AHNAK: variants seen among roughly 807,000 people sequenced by gnomAD.
AHNAK encodes AHNAK nucleoprotein.
In AHNAK, 23 loss-of-function variants were observed where a neutral mutation model predicts 37.8. The ratio of observed to expected loss-of-function variants is 0.61; its 90% confidence interval spans 0.44 to 0.86. The LOEUF is 0.86. AHNAK is among the 40% of genes least tolerant of loss of function. The pLI, the probability that AHNAK is intolerant of heterozygous loss-of-function variation, is 0.00. For missense variants in AHNAK, 7,411 were observed against 7,319.4 expected (o/e 1.01, Z -0.46); for synonymous variants, 2,481 against 2,636.3 (o/e 0.94, Z 1.80).
Position 62,523,794 on chromosome 11 carries a change from G to A in AHNAK, c.10623C>T (p.Pro3541=). The change falls in exon 5 of 5, where the codon CCC becomes CCT. Residue 3541 remains proline (P), a synonymous_variant. Coordinates refer to ENST00000378024, the MANE Select transcript of AHNAK (RefSeq NM_001620.3). ...FKMPDMNIKA[P]KISMPDIDLN... is the part of the protein sequence containing the mutation. ...AGTCAATGTCAGGCATGGAGATCTT[G>A]GGAGCTTTGATATTCATGTCAGGCA... The A allele has an allele frequency of 1.2e-6, 2 of 1,614,126 alleles. No homozygotes were observed. The highest frequency in any genetic ancestry group is 1.7e-5 in the Admixed American group (1 of 60,006).
intron 1 of AHNAK, among the ~76,000 whole-genome samples, chr11:62,537,686 CT>C (rs1276472412): frequency 0.01 from 1,473 of 142,192 alleles, 23 homozygotes; most frequent in African/African-American, 0.03. Flanking sequence ...TCTGTAACTC[CT>C]TTTTTTTTTT....
chr11:62,527,078 G>A lies in AHNAK; in HGVS notation c.7339C>T (p.His2447Tyr). 2 of 1,614,026 alleles carry A rather than the reference G, an allele frequency of 1.2e-6. No homozygotes were observed. The highest frequency in any genetic ancestry group is 2.2e-5 in the South Asian group (2 of 91,044). ...KGPKFKMPDMHFKAPNISMPD... is the reference protein window; with the variant it reads ...KGPKFKMPDMYFKAPNISMPD... ...ATAGAAATATTGGGGGCTTTGAAAT[G>A]CATATCAGGCATCTTGAACTTAGGG... Residue 2447 changes from histidine (H) to tyrosine (Y), a missense_variant, in exon 5 of 5, where the codon CAT (histidine) becomes TAT (tyrosine). His to Tyr is a moderately conservative substitution (Grantham distance 83). Coordinates refer to ENST00000378024, the MANE Select transcript of AHNAK (RefSeq NM_001620.3).
chr11:62,532,962 A>G lies in AHNAK; in HGVS notation c.1455T>C (p.Gly485=), dbSNP rs754468400. The change falls in exon 5 of 5, where the codon GGT becomes GGC. Residue 485 remains glycine (G), a synonymous_variant. Coordinates refer to ENST00000378024, the MANE Select transcript of AHNAK (RefSeq NM_001620.3). ...TCATTTCAGGAGTCTTCACTTTAGT[A>G]CCTTTCATCTTTCCTTCCAGCCCAC... ...ATGGLEGKMK[G]TKVKTPEMII... is the part of the protein sequence containing the mutation. 1.2e-6 allele frequency: 2 copies of G among 1,614,106 alleles called. No individual in the cohort carries two copies. Among genetic ancestry groups the G allele is most frequent in the Non-Finnish European group, 1.7e-6 (2 of 1,180,016 alleles).
chr11:62,513,038 A>G (rs560564690), downstream of AHNAK, among the ~76,000 whole-genome samples: 119 of 152,282 alleles, frequency 7.8e-4, no homozygotes, highest in African/African-American at 2.8e-3. Context: ...TGCCCCCTTA[A>G]CTACACCACT....
rs758300419 is a variant in AHNAK at position 62,516,770 on chromosome 11, G to C, written c.17647C>G (p.Leu5883Val). The C allele has an allele frequency of 6.2e-7, 1 of 1,612,762 alleles. No individual in the cohort carries two copies. Residue 5883 changes from leucine (L) to valine (V), a missense_variant, in exon 5 of 5, where the codon CTG becomes GTG. Physicochemically the swap from Leu to Val is conservative, Grantham distance 32. Transcript: ENST00000378024. The part of the protein sequence containing the change: ...KVGIQLPEVE[L>V]SVSTKKE Reference sequence around the variant, plus strand: ...TACTCTTTCTTTGTGGAAACTGACAGCTCCACCTCGGGAAGCTGGATGCCA... The same window carrying C: ...TACTCTTTCTTTGTGGAAACTGACACCTCCACCTCGGGAAGCTGGATGCCA...
chr11:62,465,528 A>G (rs1328186516), intron 5 of AHNAK, among the ~76,000 whole-genome samples: 1 of 152,030 alleles, frequency 6.6e-6, no homozygotes, highest in African/African-American at 2.4e-5. Context: ...CAGGAGAATC[A>G]CTTGAACCCA....
intron 5 of AHNAK, among the ~76,000 whole-genome samples, chr11:62,453,875 A>C (rs1352404487): frequency 6.6e-6 from 1 of 151,966 alleles, no homozygotes; most frequent in Non-Finnish European, 1.5e-5. Context: ...TAATTCCAGC[A>C]CTTTGGGAGG....
rs1940024582 is a variant in AHNAK, at chr11:62,516,583, C to T, written c.*161G>A. On this transcript the variant is annotated 3_prime_UTR_variant, in exon 5 of 5. Coordinates refer to ENST00000378024, the MANE Select transcript of AHNAK (RefSeq NM_001620.3). ...CTATCTGTATAGTTCCAGGAGCCTACAGGCGGTCGGTTTTTCAGCGCTTGC... is the reference window on the plus strand; with the variant it reads ...CTATCTGTATAGTTCCAGGAGCCTATAGGCGGTCGGTTTTTCAGCGCTTGC... 1.4e-6 allele frequency: 2 copies of T among 1,469,642 alleles called. No homozygotes were observed. The highest frequency in any genetic ancestry group is 1.8e-6 in the Non-Finnish European group (2 of 1,121,626). The allele number at this position is 1,469,642 out of a possible 1,614,324, so 91.0% of individuals were successfully genotyped here.
In AHNAK at chr11:62,528,334, G is replaced by A. The variant is rs772630697; in HGVS notation, c.6083C>T (p.Pro2028Leu). The change falls in exon 5 of 5, where the codon CCC (proline) becomes CTC (leucine). Residue 2028 changes from proline (P) to leucine (L), a missense_variant. By Grantham distance (98) the Pro-to-Leu change is moderately conservative. Transcript: ENST00000378024. ...ATCTGGGGCATCAATGTCCATTTTG[G>A]GTCCTTTGATGTCAACATCTGGCAC... ...MKVPDVDIKG[P>L]KMDIDAPDVD... 1 of 1,613,770 alleles carries A rather than the reference G, an allele frequency of 6.2e-7. No individual in the cohort carries two copies. The highest frequency in any genetic ancestry group is 8.5e-7 in the Non-Finnish European group (1 of 1,179,970).
chr11:62,484,928 T>C (rs1939359124), intron 5 of AHNAK, among the ~76,000 whole-genome samples: 1 of 152,160 alleles, frequency 6.6e-6, no homozygotes, highest in Non-Finnish European at 1.5e-5. Flanking sequence ...TAGCTGGGAT[T>C]ACAGGCACGC....
At chr11:62,502,431 G>A (rs1457349755) in intron 4 of AHNAK, among the ~76,000 whole-genome samples, 1 of 152,200 alleles carries the variant, frequency 6.6e-6, no homozygotes, top group Non-Finnish European at 1.5e-5. Flanking sequence ...AAACTAAACA[G>A]TAATTGACAG....
chr11:62,469,402 G>A (rs931219095), intron 5 of AHNAK, among the ~76,000 whole-genome samples: 5 of 151,776 alleles, frequency 3.3e-5, no homozygotes, highest in African/African-American at 1.2e-4. Flanking sequence ...GATTACAGGC[G>A]TGAACTACTG....
At chr11:62,542,315 T>TTG (rs1941154714) in intron 1 of AHNAK, among the ~76,000 whole-genome samples, 1 of 151,866 alleles carries the variant, frequency 6.6e-6, no homozygotes, top group African/African-American at 2.4e-5. Context: ...GCACCTCCCC[T>TTG]TGTGTGTGTG....
Position 62,520,275 on chromosome 11 carries a change from C to T in AHNAK, c.14142G>A (p.Met4714Ile), listed in dbSNP as rs2134199040. The stretch of plus-strand genomic sequence containing the variant: ...TGGAGATCTTGGGGGCTTTGATGCT[C>T]ATCTCAGGCATCTTGAACTTGGGGC... Reference protein sequence around the residue: ...LKGPKFKMPEMSIKAPKISMP... With the variant: ...LKGPKFKMPEISIKAPKISMP... The change falls in exon 5 of 5, where the codon ATG (methionine) becomes ATA (isoleucine). Residue 4714 changes from methionine (M) to isoleucine (I), a missense_variant. Physicochemically the swap from Met to Ile is conservative, Grantham distance 10. Transcript: ENST00000378024. The T allele has an allele frequency of 6.2e-7, 1 of 1,605,160 alleles. No homozygotes were observed. The highest frequency in any genetic ancestry group is 8.5e-7 in the Non-Finnish European group (1 of 1,176,994).
intron 3 of AHNAK, among the ~76,000 whole-genome samples, chr11:62,535,487 A>G (rs941975906): frequency 6.6e-6 from 1 of 152,040 alleles, no homozygotes; most frequent in South Asian, 2.1e-4. Context: ...CGTCTCTACT[A>G]AAAATGCAAA....
chr11:62,500,228 G>A (rs963814504), intron 4 of AHNAK, among the ~76,000 whole-genome samples: 2 of 152,160 alleles, frequency 1.3e-5, no homozygotes, highest in African/African-American at 4.8e-5. Flanking sequence ...AACGAGGACC[G>A]TAGTAAACGC....
intron 5 of AHNAK, among the ~76,000 whole-genome samples, chr11:62,436,872 G>A (rs1480237903): frequency 1.3e-5 from 2 of 151,940 alleles, no homozygotes; most frequent in African/African-American, 4.8e-5. Flanking sequence ...CCAGGAGGCG[G>A]AGCTTGCAGT....
downstream of AHNAK, among the ~76,000 whole-genome samples, chr11:62,514,710 G>T (rs377416410): frequency 1.2e-3 from 189 of 152,286 alleles, no homozygotes; most frequent in African/African-American, 4.3e-3. Context: ...TAAGCATCCT[G>T]TCCAACTCAC....
chr11:62,493,616 G>T (rs1376803457), intron 4 of AHNAK, among the ~76,000 whole-genome samples: 1 of 150,902 alleles, frequency 6.6e-6, no homozygotes, highest in African/African-American at 2.5e-5. Flanking sequence ...TTACAGGCGT[G>T]AGCCACCGTG....
Sources: gnomAD v4.1 joint callset for allele counts (sites outside exome capture counted in the v4.1 genomes callset) on GRCh38, gnomAD v4.1.1 for gene constraint, MANE v1.5 for transcripts, NCBI Gene and HGNC (gene_info 2026-07-23, HGNC 2026-07-21) for gene names.